The following ACLY variants were observed in gnomAD, a reference collection of about 807,000 sequenced individuals.
The protein encoded by ACLY is ATP-citrate synthase.
In ACLY, 41 loss-of-function variants were observed where a neutral mutation model predicts 133.0. The ratio of observed to expected loss-of-function variants is 0.31; its 90% CI spans 0.24 to 0.40. ACLY has a LOEUF of 0.40. Among genes scored for constraint, ACLY ranks in the 10% least tolerant of loss-of-function variants. The probability of loss-of-function intolerance (pLI) is 1.00; values close to 1 mark genes in which losing one functional copy is unlikely to be tolerated. For missense variants in ACLY, 1,046 were observed against 1,453.8 expected (o/e 0.72, Z 4.56); for synonymous variants, 495 against 549.3 (o/e 0.90, Z 1.38).
At chr17:41,871,214 C>G (rs1464324218) in intron 25 of ACLY, among the ~76,000 whole-genome samples, 7 of 152,216 alleles carry the variant, frequency 4.6e-5, no homozygotes, top group African/African-American at 1.7e-4. Flanking sequence ...TGTATTATAA[C>G]ATGGAAAAAA....
chr17:41,901,575 A>T, intron 11 of ACLY, 121 bp downstream of exon 11: 1 of 810,650 alleles, frequency 1.2e-6, no homozygotes, highest in Non-Finnish European at 2.0e-6. Context: ...CCCAAACTGC[A>T]CACCCAGGAA....
At chr17:41,881,774 C>T (rs1232999461) in intron 20 of ACLY, among the ~76,000 whole-genome samples, 1 of 152,156 alleles carries the variant, frequency 6.6e-6, no homozygotes, top group Non-Finnish European at 1.5e-5. Flanking sequence ...ACAGATCTAC[C>T]AAGGTCTGAT....
intron 1 of ACLY, among the ~76,000 whole-genome samples, chr17:41,924,437 G>A (rs1464299114): frequency 2.0e-5 from 3 of 152,022 alleles, no homozygotes; most frequent in East Asian, 3.9e-4. Flanking sequence ...GTGAGCCACC[G>A]TGCCCGGCTA....
chr17:41,873,647 A>G (rs1483332166), intron 23 of ACLY, among the ~76,000 whole-genome samples, 164 bp downstream of exon 23: 1 of 152,096 alleles, frequency 6.6e-6, no homozygotes, highest in Non-Finnish European at 1.5e-5. Context: ...TGGAAGACTT[A>G]GGAATAGTTT....
upstream of ACLY, among the ~76,000 whole-genome samples, chr17:41,922,473 A>G (rs2050194853): frequency 6.6e-6 from 1 of 151,972 alleles, no homozygotes; most frequent in African/African-American, 2.4e-5. Flanking sequence ...AAAAAAAGAA[A>G]GACAAATACA....
upstream of ACLY, among the ~76,000 whole-genome samples, chr17:41,921,582 C>G (rs1266385356): frequency 6.6e-6 from 1 of 152,014 alleles, no homozygotes; most frequent in Non-Finnish European, 1.5e-5. Flanking sequence ...GGCCTGTAAT[C>G]CCATCACTTT....
chr17:41,903,427 A>G (rs1026677081), intron 10 of ACLY, among the ~76,000 whole-genome samples: 5 of 152,136 alleles, frequency 3.3e-5, no homozygotes, highest in Non-Finnish European at 7.4e-5. Flanking sequence ...CTTCATTCCA[A>G]TCTTTTGGAA....
At chr17:41,894,715 C>T (rs2144322090) in intron 14 of ACLY, among the ~76,000 whole-genome samples, 1 of 151,922 alleles carries the variant, frequency 6.6e-6, no homozygotes, top group African/African-American at 2.4e-5. Flanking sequence ...GAAAAAAGTG[C>T]AGTCCTTAGC....
At chr17:41,896,476 G>A in intron 14 of ACLY, 144 bp downstream of exon 14, 3 of 689,344 alleles carry the variant, frequency 4.4e-6, no homozygotes, top group Admixed American at 2.8e-5. Flanking sequence ...TAGGACTTGG[G>A]GTCAGGCCAC....
chr17:41,884,847 CA>C (rs1263782945), intron 18 of ACLY, among the ~76,000 whole-genome samples: 2 of 151,886 alleles, frequency 1.3e-5, no homozygotes, highest in South Asian at 4.1e-4. Context: ...AACAAACAAA[CA>C]AAAAAAACCT....
In ACLY at chr17:41,879,201, G is replaced by A. The variant is rs182039964; in HGVS notation, c.2266-277C>T. On this transcript the variant is annotated intron_variant, in intron 20 of 28. Transcript: ENST00000352035. Reference sequence around the variant, plus strand: ...AGAATCACCTTCCTCTGCCTCCTGGGTTCCAGCGATTCTCCTGCCTCAGCC... The same window carrying A: ...AGAATCACCTTCCTCTGCCTCCTGGATTCCAGCGATTCTCCTGCCTCAGCC... Among the ~76,000 whole-genome samples, 64 of 152,134 alleles carry A rather than the reference G, an allele frequency of 4.2e-4. No homozygotes were observed. The East Asian group carries it at 9.1e-3, about 22-fold the overall frequency.
At position 41,914,568 on chromosome 17, in the gene ACLY, A is replaced by G. The variant is rs556520270; in HGVS notation, c.-23-672T>C. ...TCTTTTCTCCTCTTTTCTCCTGGAC[A>G]CTAGCCTCCCAATCCTGAGTATGGA... On this transcript the variant is annotated intron_variant, in intron 1 of 28. Coordinates refer to ENST00000352035, the MANE Select transcript of ACLY (RefSeq NM_001096.3). Among the ~76,000 whole-genome samples the G allele has an allele frequency of 9.2e-5, 14 of 152,310 alleles. No homozygotes were observed. In the South Asian group the frequency reaches 2.5e-3, roughly 27 times the overall value.
intron 1 of ACLY, among the ~76,000 whole-genome samples, chr17:41,927,461 C>T (rs973220115): frequency 6.6e-6 from 1 of 152,184 alleles, no homozygotes. Context: ...GCTGGGATTA[C>T]AGGTGTGAGC....
Position 41,892,322 on chromosome 17 carries a change from C to T in ACLY, c.1727G>A (p.Arg576His). 6.2e-7 allele frequency: 1 copy of T among 1,609,324 alleles called. No individual in the cohort carries two copies. ...CTCCATGGTGCTGTCATAGGCAGAG[C>T]GGAGAGAGGCAAAGTTGATGAGCAC... Reference protein sequence around the residue: ...VDVLINFASLRSAYDSTMETM... With the variant: ...VDVLINFASLHSAYDSTMETM... Residue 576 changes from arginine to histidine, a missense_variant, in exon 16 of 29, where the codon CGC becomes CAC. By Grantham distance (29) the Arg-to-His change is conservative. Around this residue, in one of 4 missense-constraint regions of ACLY, gnomAD observed 575 missense variants for 804.2 expected, o/e 0.71. Transcript: ENST00000352035.
Position 41,876,735 on chromosome 17 carries a change from A to G in ACLY, c.2487+1368T>C, listed in dbSNP as rs956282686. Among the ~76,000 whole-genome samples, 7 of 152,174 alleles carry G rather than the reference A, an allele frequency of 4.6e-5. No homozygotes were observed. The South Asian group carries it at 6.2e-4, about 14-fold the overall frequency. ...GGCAGCATGCTGGTTAAGAGTCATCACCACTCCCTAATCTCAAGTACCCAC... is the reference window on the plus strand; with the variant it reads ...GGCAGCATGCTGGTTAAGAGTCATCGCCACTCCCTAATCTCAAGTACCCAC... On this transcript the variant is annotated intron_variant, in intron 22 of 28. Transcript: ENST00000352035.
intron 18 of ACLY, among the ~76,000 whole-genome samples, 160 bp downstream of exon 18, chr17:41,885,952 G>A (rs547442507): frequency 2.0e-5 from 3 of 152,174 alleles, no homozygotes; most frequent in Admixed American, 6.5e-5. Flanking sequence ...TGCTCTGTCA[G>A]TCCTGAGACA....
At chr17:41,896,869 G>A (rs782331363) in intron 13 of ACLY, among the ~76,000 whole-genome samples, 1 of 152,198 alleles carries the variant, frequency 6.6e-6, no homozygotes, top group East Asian at 1.9e-4. Flanking sequence ...AAGACCAAAC[G>A]GGCAGAGAGG....
At chr17:41,881,509 G>A (rs575709599) in intron 20 of ACLY, among the ~76,000 whole-genome samples, 55 of 149,170 alleles carry the variant, frequency 3.7e-4, no homozygotes, top group African/African-American at 1.3e-3. Context: ...AAGTTTCTAA[G>A]ACCTATGCAC....
At chr17:41,887,949 A>G (rs548302604) in intron 16 of ACLY, among the ~76,000 whole-genome samples, 2,530 of 152,000 alleles carry the variant, frequency 0.017, 81 homozygotes, top group African/African-American at 0.058. Context: ...CCAACGTAGC[A>G]AAACCCCGTC....
Sources: gnomAD v4.1 joint callset for allele counts (sites outside exome capture counted in the v4.1 genomes callset) on GRCh38, gnomAD v4.1.1 for gene constraint, gnomAD v4.1.1 regional missense constraint, MANE v1.5 for transcripts, NCBI Gene and HGNC (gene_info 2026-07-23, HGNC 2026-07-21) for gene names.